SEMA3D: variants seen among roughly 807,000 people sequenced by gnomAD.
SEMA3D encodes the protein semaphorin 3D, also known as semaphorin-3D.
Under a neutral mutation model 100.1 loss-of-function variants are expected in SEMA3D, and 84 were observed. The observed-to-expected ratio is 0.84, with a 90% CI of 0.70 to 1.01. The LOEUF (loss-of-function observed/expected upper bound fraction) is 1.01, where lower values mean the gene tolerates loss of function less well. Ranked by LOEUF, SEMA3D falls within the 50% of genes least tolerant of loss-of-function variation. The pLI is 0.00. For synonymous variants in SEMA3D, 312 were observed against 320.7 expected, an observed-to-expected ratio of 0.97 and a Z score of 0.29; for missense variants, 875 against 934.1, an observed-to-expected ratio of 0.94 and a Z score of 0.82.
chr7:85,054,726 A>G (rs1277252285), intron 9 of SEMA3D, among the ~76,000 whole-genome samples: 3 of 152,146 alleles, frequency 2.0e-5, no homozygotes, highest in African/African-American at 7.2e-5. Flanking sequence ...CAGATAGAAG[A>G]AAATGAAAAG....
At chr7:85,233,248 A>G in the SEMA3D span, among the ~76,000 whole-genome samples, 9 of 152,294 alleles carry the variant, frequency 5.9e-5, no homozygotes, top group Non-Finnish European at 1.0e-4. Context: ...AATGAAAAAA[A>G]AAAAAGATGT....
At chr7:85,219,662 C>G in the SEMA3D span, among the ~76,000 whole-genome samples, 1 of 152,028 alleles carries the variant, frequency 6.6e-6, no homozygotes, top group East Asian at 1.9e-4. Context: ...GAGAGCTACT[C>G]TAGGTCCTGT....
At chr7:85,155,999 T>C (rs1296450938) in intron 1 of SEMA3D, among the ~76,000 whole-genome samples, 3 of 152,184 alleles carry the variant, frequency 2.0e-5, no homozygotes, top group African/African-American at 7.2e-5. Flanking sequence ...CTTCTGATAA[T>C]TGTTAGTTTT....
At chr7:85,225,067 TATATATATATATATATATATATATATATA>T in the SEMA3D span, among the ~76,000 whole-genome samples, 1 of 35,616 alleles carries the variant, frequency 2.8e-5, no homozygotes, top group African/African-American at 4.2e-5. Context: ...TATATATATA[TATATATATATATATATATATATATATATA>T]TATATATATA....
At chr7:85,045,249 A>G (rs1790975594) in intron 9 of SEMA3D, among the ~76,000 whole-genome samples, 1 of 152,048 alleles carries the variant, frequency 6.6e-6, no homozygotes, top group Non-Finnish European at 1.5e-5. Flanking sequence ...TTGAAGACTG[A>G]GATCAATTAA....
chr7:85,089,195 T>G (rs2116272537), intron 4 of SEMA3D, among the ~76,000 whole-genome samples: 1 of 152,234 alleles, frequency 6.6e-6, no homozygotes, highest in African/African-American at 2.4e-5. Flanking sequence ...TGAAAGAAAC[T>G]TGCAGTAAAC....
the SEMA3D span, among the ~76,000 whole-genome samples, chr7:85,225,649 C>T: frequency 6.6e-6 from 1 of 152,164 alleles, no homozygotes; most frequent in African/African-American, 2.4e-5. Context: ...GAGCCACCTA[C>T]AGACTGCTAA....
At chr7:85,082,956 G>T (rs1021210133) in intron 4 of SEMA3D, among the ~76,000 whole-genome samples, 3 of 152,150 alleles carry the variant, frequency 2.0e-5, no homozygotes, top group Non-Finnish European at 4.4e-5. Flanking sequence ...TTCAGAAATG[G>T]TTTGAATCAC....
intron 1 of SEMA3D, among the ~76,000 whole-genome samples, chr7:85,176,140 A>T (rs933160413): frequency 1.2e-4 from 19 of 152,132 alleles, no homozygotes; most frequent in Admixed American, 7.9e-4. Context: ...CAAATTGAGT[A>T]TGCATTTAAA....
chr7:85,120,688 T>G (rs1357729075), intron 3 of SEMA3D, among the ~76,000 whole-genome samples: 1 of 151,290 alleles, frequency 6.6e-6, no homozygotes. Flanking sequence ...AAAAAAGGTT[T>G]TAATTATTGA....
At chr7:85,089,668 T>A (rs1788324980) in intron 4 of SEMA3D, among the ~76,000 whole-genome samples, 1 of 152,088 alleles carries the variant, frequency 6.6e-6, no homozygotes, top group South Asian at 2.1e-4. Context: ...GCAGATTTCA[T>A]GAACCCAGAA....
At chr7:85,244,208 T>C in the SEMA3D span, among the ~76,000 whole-genome samples, 1 of 152,174 alleles carries the variant, frequency 6.6e-6, no homozygotes, top group Admixed American at 6.5e-5. Flanking sequence ...TAAGTGGACA[T>C]GAGCAAAGAG....
chr7:85,076,860 C>T (rs1204463621), intron 5 of SEMA3D, among the ~76,000 whole-genome samples: 2 of 151,918 alleles, frequency 1.3e-5, no homozygotes, highest in East Asian at 1.9e-4. Flanking sequence ...CTTTGGGAGG[C>T]CGAGGTGGGT....
At chr7:85,012,647 TCTTCCAGAACA>T in intron 17 of SEMA3D, 124 bp downstream of exon 17, 1 of 589,062 alleles carries the variant, frequency 1.7e-6, no homozygotes, top group East Asian at 3.0e-5. Context: ...TTCCTGTTGC[TCTTCCAGAACA>T]CATGCATTAC....
intron 14 of SEMA3D, among the ~76,000 whole-genome samples, chr7:85,019,998 G>A (rs998082201): frequency 1.3e-4 from 19 of 151,634 alleles, no homozygotes; most frequent in African/African-American, 4.1e-4. Context: ...AGAGAATGCA[G>A]TAATGAGAGG....
intron 1 of SEMA3D, among the ~76,000 whole-genome samples, chr7:85,170,668 G>A (rs917025678): frequency 4.0e-5 from 6 of 151,864 alleles, no homozygotes; most frequent in African/African-American, 1.5e-4. Flanking sequence ...CAATAGTCTA[G>A]CCCATATCAC....
chr7:85,126,641 G>C (rs1197039974), intron 2 of SEMA3D, among the ~76,000 whole-genome samples: 3 of 151,920 alleles, frequency 2.0e-5, no homozygotes, highest in Non-Finnish European at 4.4e-5. Context: ...CCTATTTTGA[G>C]CTATTGTTTG....
At chr7:85,200,489 T>A in the SEMA3D span, among the ~76,000 whole-genome samples, 1 of 152,102 alleles carries the variant, frequency 6.6e-6, no homozygotes, top group African/African-American at 2.4e-5. Flanking sequence ...AGAGAGATAA[T>A]TTAGGGTATC....
At chr7:85,222,890 C>T in the SEMA3D span, among the ~76,000 whole-genome samples, 2 of 152,000 alleles carry the variant, frequency 1.3e-5, no homozygotes, top group Admixed American at 1.3e-4. Context: ...AGAAAATTTT[C>T]GCAAACCATG....
Sources: gnomAD v4.1 joint callset for allele counts (sites outside exome capture counted in the v4.1 genomes callset) on GRCh38, gnomAD v4.1.1 for gene constraint, MANE v1.5 for transcripts, NCBI Gene and HGNC (gene_info 2026-07-23, HGNC 2026-07-21) for gene names.